The following OXR1 variants were observed in gnomAD, a reference collection of about 807,000 sequenced individuals.
OXR1 encodes the protein oxidation resistance 1, also known as oxidation resistance protein 1.
A neutral mutation model predicts 104.6 loss-of-function variants in OXR1; 41 were observed. The observed-to-expected ratio is 0.39, with a 90% confidence interval of 0.31 to 0.51. OXR1 has a LOEUF of 0.51. Ranked by LOEUF, OXR1 falls within the 20% of genes least tolerant of loss-of-function variation. The pLI is 0.77. For missense variants in OXR1, 955 were observed against 1,031.9 expected (o/e 0.93, Z 1.02); for synonymous variants, 348 against 348.4 (o/e 1.00, Z 0.01).
At chr8:106,677,890 A>G (rs1827764576) in intron 3 of OXR1, among the ~76,000 whole-genome samples, 1 of 152,134 alleles carries the variant, frequency 6.6e-6, no homozygotes, top group Non-Finnish European at 1.5e-5. Context: ...TTCAAAGTAT[A>G]GTTCAAGTTG....
chr8:106,390,483 T>C (rs903464023), intron 2 of OXR1, among the ~76,000 whole-genome samples: 7 of 152,200 alleles, frequency 4.6e-5, no homozygotes, highest in Non-Finnish European at 1.0e-4. Flanking sequence ...AAACTGTTAT[T>C]ATCGCCTACT....
At chr8:106,450,798 A>G (rs1017830457) in intron 2 of OXR1, among the ~76,000 whole-genome samples, 1 of 151,982 alleles carries the variant, frequency 6.6e-6, no homozygotes, top group African/African-American at 2.4e-5. Flanking sequence ...TTTAAGGCAA[A>G]GCAAAGCTTT....
At chr8:106,537,892 G>T (rs779701293) in intron 3 of OXR1, among the ~76,000 whole-genome samples, 4 of 152,048 alleles carry the variant, frequency 2.6e-5, no homozygotes, top group Non-Finnish European at 5.9e-5. Context: ...GGAAAAAGAG[G>T]GGAGGGTGAA....
At chr8:106,330,547 G>T (rs1286963663) in intron 1 of OXR1, among the ~76,000 whole-genome samples, 1 of 152,176 alleles carries the variant, frequency 6.6e-6, no homozygotes, top group African/African-American at 2.4e-5. Context: ...GGTTATTAGA[G>T]AAAATATAAA....
intron 1 of OXR1, among the ~76,000 whole-genome samples, chr8:106,336,904 C>G (rs568302989): frequency 6.6e-6 from 1 of 152,186 alleles, no homozygotes; most frequent in South Asian, 2.1e-4. Flanking sequence ...CATTTAGATA[C>G]TGAGCTAATT....
At chr8:106,645,470 T>C (rs987670058) in intron 3 of OXR1, among the ~76,000 whole-genome samples, 1 of 152,200 alleles carries the variant, frequency 6.6e-6, no homozygotes, top group East Asian at 1.9e-4. Flanking sequence ...TAGGGCAGCA[T>C]AGATTTGAGT....
At chr8:106,285,101 A>G (rs1403137797) in intron 1 of OXR1, among the ~76,000 whole-genome samples, 1 of 152,116 alleles carries the variant, frequency 6.6e-6, no homozygotes, top group Non-Finnish European at 1.5e-5. Flanking sequence ...ATATCTCCTA[A>G]TGCTATCCCT....
intron 3 of OXR1, among the ~76,000 whole-genome samples, chr8:106,640,102 G>T (rs1472097163): frequency 1.3e-5 from 2 of 152,028 alleles, no homozygotes; most frequent in African/African-American, 4.8e-5. Context: ...GTTTGTCCTT[G>T]TTTCTTTCTC....
chr8:106,717,495 T>C (rs1832382591), intron 11 of OXR1, among the ~76,000 whole-genome samples: 1 of 152,180 alleles, frequency 6.6e-6, no homozygotes, highest in Non-Finnish European at 1.5e-5. Context: ...TTAAAAAAGA[T>C]CTTTATTATC....
chr8:106,480,825 A>G (rs888514871), intron 2 of OXR1, among the ~76,000 whole-genome samples: 6 of 151,916 alleles, frequency 3.9e-5, no homozygotes, highest in Non-Finnish European at 5.9e-5. Flanking sequence ...GTGTGGATCA[A>G]ATTATTTAAT....
chr8:106,377,639 G>A (rs1310202284), intron 2 of OXR1, among the ~76,000 whole-genome samples: 4 of 152,170 alleles, frequency 2.6e-5, no homozygotes, highest in African/African-American at 9.7e-5. Flanking sequence ...ATATTTCAGA[G>A]GGATATACAG....
intron 2 of OXR1, among the ~76,000 whole-genome samples, chr8:106,498,443 A>G (rs1461549245): frequency 1.3e-5 from 2 of 152,230 alleles, no homozygotes; most frequent in Non-Finnish European, 2.9e-5. Flanking sequence ...TTACTAATGA[A>G]GAAATTTCAT....
chr8:106,301,066 C>T (rs1503568), intron 1 of OXR1, among the ~76,000 whole-genome samples: 33,295 of 151,840 alleles, frequency 0.22, 5,378 homozygotes, highest in African/African-American at 0.46. Flanking sequence ...ATAAAACGCA[C>T]GTCATATAAA....
intron 1 of OXR1, among the ~76,000 whole-genome samples, chr8:106,341,967 C>T (rs1187450299): frequency 1.3e-5 from 2 of 151,244 alleles, no homozygotes; most frequent in African/African-American, 4.9e-5. Flanking sequence ...CCTTGAACTC[C>T]TGGGCTCAAG....
chr8:106,363,951 T>C (rs773333897), intron 2 of OXR1, among the ~76,000 whole-genome samples: 23 of 152,030 alleles, frequency 1.5e-4, no homozygotes, highest in Non-Finnish European at 2.9e-4. Context: ...TTTTTTTCAG[T>C]TTTAGAAAAG....
intron 6 of OXR1, among the ~76,000 whole-genome samples, chr8:106,689,373 C>T (rs1210796482): frequency 6.6e-6 from 1 of 151,946 alleles, no homozygotes; most frequent in East Asian, 1.9e-4. Context: ...AAGGGCCCAC[C>T]CTACTCATGT....
At chr8:106,591,928 C>G (rs1051943857) in intron 3 of OXR1, among the ~76,000 whole-genome samples, 1 of 152,164 alleles carries the variant, frequency 6.6e-6, no homozygotes, top group African/African-American at 2.4e-5. Context: ...GGACACCTGG[C>G]GTGAGAGCTG....
chr8:106,502,765 C>T lies in OXR1; in HGVS notation c.24-16178C>T, dbSNP rs114332689. On this transcript the variant is annotated intron_variant, in intron 2 of 16. Coordinates refer to ENST00000517566, the MANE Select transcript of OXR1 (RefSeq NM_001198533.2). The stretch of plus-strand genomic sequence containing the variant: ...GCTTCTTGGCAGAAAAGAAGAAGTC[C>T]TTTATCCCACTCCTGTACCTTTACC... Among the ~76,000 whole-genome samples, 770 of 152,226 alleles carry T rather than the reference C, an allele frequency of 5.1e-3. 9 individuals carry two copies. The highest frequency in any genetic ancestry group is 0.018 in the African/African-American group (739 of 41,530).
intron 2 of OXR1, among the ~76,000 whole-genome samples, chr8:106,510,475 C>A (rs375028285): frequency 6.6e-6 from 1 of 151,964 alleles, no homozygotes; most frequent in African/African-American, 2.4e-5. Context: ...ATTTAGATGT[C>A]CTTTTCATTA....
Sources: gnomAD v4.1 joint callset for allele counts (sites outside exome capture counted in the v4.1 genomes callset) on GRCh38, gnomAD v4.1.1 for gene constraint, MANE v1.5 for transcripts, NCBI Gene and HGNC (gene_info 2026-07-23, HGNC 2026-07-21) for gene names.